TMEM132B: variants seen among roughly 807,000 people sequenced by gnomAD.
TMEM132B encodes transmembrane protein 132B.
Under a neutral mutation model 90.8 loss-of-function variants are expected in TMEM132B, and 18 were observed. The observed-to-expected ratio is 0.20, with a 90% CI of 0.14 to 0.29. TMEM132B has a LOEUF of 0.29. TMEM132B is among the 10% of genes least tolerant of loss of function. The probability of loss-of-function intolerance (pLI) is 1.00; values close to 1 mark genes in which losing one functional copy is unlikely to be tolerated. For synonymous variants in TMEM132B, 504 were observed against 523.3 expected, an observed-to-expected ratio of 0.96 and a Z score of 0.50; for missense variants, 1,096 against 1,326.8, an observed-to-expected ratio of 0.83 and a Z score of 2.70.
At chr12:125,561,359 C>T (rs1220190744) in intron 4 of TMEM132B, among the ~76,000 whole-genome samples, 3 of 136,102 alleles carry the variant, frequency 2.2e-5, no homozygotes, top group South Asian at 5.0e-4. Context: ...CATCACACAC[C>T]GGGGCCTGTC....
rs139606264 is a variant in TMEM132B at position 125,504,332 on chromosome 12, GT to G, written c.1107-15100del. 2.0e-5 allele frequency among the ~76,000 whole-genome samples: 3 copies of G among 152,154 alleles called. No individual in the cohort carries two copies. In the East Asian group the frequency reaches 5.8e-4, roughly 29 times the overall value. Reference sequence around the variant, plus strand: ...GAGGTTGAAGATTCTGTTTGGATTTGTTTTTTTAATATCTCAAGGTGTTTGT... The same window carrying G: ...GAGGTTGAAGATTCTGTTTGGATTTGTTTTTTAATATCTCAAGGTGTTTGT... On this transcript the variant is annotated intron_variant, in intron 3 of 8. Transcript: ENST00000682704.
At chr12:125,599,383 T>A (rs552243423) in intron 5 of TMEM132B, among the ~76,000 whole-genome samples, 17 of 152,312 alleles carry the variant, frequency 1.1e-4, no homozygotes, top group Admixed American at 3.9e-4. Flanking sequence ...ATGTCTTTGT[T>A]AGCAGTGTGA....
intron 3 of TMEM132B, among the ~76,000 whole-genome samples, chr12:125,482,722 T>C (rs908431995): frequency 2.0e-5 from 3 of 152,214 alleles, no homozygotes; most frequent in African/African-American, 7.2e-5. Context: ...AAATACCATT[T>C]GTCCCAGTGA....
At chr12:125,411,521 A>AAAAC (rs376787355) in intron 2 of TMEM132B, among the ~76,000 whole-genome samples, 1 of 152,084 alleles carries the variant, frequency 6.6e-6, no homozygotes, top group Admixed American at 6.5e-5. Context: ...AATAATAATA[A>AAAAC]AAACAAACAA....
chr12:125,192,795 A>G (rs1430774015), intron 1 of TMEM132B, among the ~76,000 whole-genome samples: 2 of 152,184 alleles, frequency 1.3e-5, no homozygotes, highest in Non-Finnish European at 2.9e-5. Context: ...AGGATTTACA[A>G]ATTCAGAGAT....
chr12:125,513,730 C>T (rs941334174), intron 3 of TMEM132B, among the ~76,000 whole-genome samples: 14 of 152,196 alleles, frequency 9.2e-5, no homozygotes, highest in African/African-American at 1.2e-4. Context: ...TACTCCAGAA[C>T]GCCCTTCCAC....
chr12:125,431,113 A>G (rs1462783532), intron 3 of TMEM132B, among the ~76,000 whole-genome samples: 2 of 152,062 alleles, frequency 1.3e-5, no homozygotes, highest in African/African-American at 4.8e-5. Flanking sequence ...AAGACTTTGG[A>G]TTTTATTCTG....
chr12:125,557,773 G>A (rs2136783236), intron 4 of TMEM132B, among the ~76,000 whole-genome samples: 1 of 152,274 alleles, frequency 6.6e-6, no homozygotes, highest in Non-Finnish European at 1.5e-5. Flanking sequence ...AGAAAACAGG[G>A]TGATGGGTTA....
In TMEM132B at chr12:125,213,380, G is replaced by A. The variant is rs1007222587; in HGVS notation, c.67+26514G>A. On this transcript the variant is annotated intron_variant, in intron 1 of 8. Transcript: ENST00000682704. The surrounding 1 kb of genome is among the most constrained non-coding windows in gnomAD (Gnocchi z 4.2). ...TGGATATTGTGAATAGCACTGCTGAGAACATTTGTGTACAAGTATTTGTTT... is the reference window on the plus strand; with the variant it reads ...TGGATATTGTGAATAGCACTGCTGAAAACATTTGTGTACAAGTATTTGTTT... 6.6e-6 allele frequency among the ~76,000 whole-genome samples: 1 copy of A among 152,226 alleles called. No homozygotes were observed. The highest frequency in any genetic ancestry group is 1.5e-5 in the Non-Finnish European group (1 of 68,042).
At chr12:125,305,636 C>T (rs1031972506) in intron 1 of TMEM132B, among the ~76,000 whole-genome samples, 1 of 152,120 alleles carries the variant, frequency 6.6e-6, no homozygotes, top group Non-Finnish European at 1.5e-5. Flanking sequence ...CATTGGTCTT[C>T]GTTTGGCCAA....
At chr12:125,614,606 C>G (rs1172855791) in intron 5 of TMEM132B, among the ~76,000 whole-genome samples, 1 of 151,952 alleles carries the variant, frequency 6.6e-6, no homozygotes, top group Non-Finnish European at 1.5e-5. Context: ...GGTAGAATTA[C>G]TTATTAAAAA....
intron 4 of TMEM132B, among the ~76,000 whole-genome samples, chr12:125,561,376 T>TG (rs1884527147): frequency 8.5e-6 from 1 of 117,034 alleles, no homozygotes; most frequent in Non-Finnish European, 1.8e-5. Flanking sequence ...TGTCAGGGGG[T>TG]AGGGGGCTAG....
At chr12:125,280,547 C>G (rs905109262) in intron 1 of TMEM132B, among the ~76,000 whole-genome samples, 31 of 152,344 alleles carry the variant, frequency 2.0e-4, no homozygotes, top group Non-Finnish European at 4.1e-4. Context: ...GGGCTCTGCT[C>G]CCTGCCTCCC....
rs555381690 is a variant in TMEM132B, at chr12:125,271,165, C to T, written c.68-78287C>T. Among the ~76,000 whole-genome samples the T allele has an allele frequency of 2.6e-5, 4 of 152,124 alleles. No homozygotes were observed. The South Asian group carries it at 8.3e-4, about 32-fold the overall frequency. On this transcript the variant is annotated intron_variant, in intron 1 of 8. Transcript: ENST00000682704. ...CTTTATTTTTGTAGAGAAGGAGACTCACTATGTCGCCTACGCTGGTCTCAA... is the reference window on the plus strand; with the variant it reads ...CTTTATTTTTGTAGAGAAGGAGACTTACTATGTCGCCTACGCTGGTCTCAA...
At chr12:125,297,197 A>T (rs765378297) in intron 1 of TMEM132B, among the ~76,000 whole-genome samples, 3 of 152,178 alleles carry the variant, frequency 2.0e-5, no homozygotes, top group Non-Finnish European at 2.9e-5. Context: ...GTGAGACAAC[A>T]GGGTGGATGG....
intron 2 of TMEM132B, among the ~76,000 whole-genome samples, chr12:125,375,793 C>A (rs544043689): frequency 1.3e-5 from 2 of 152,206 alleles, no homozygotes; most frequent in Admixed American, 1.3e-4. Flanking sequence ...CTTCTATATT[C>A]CTGTGAATTC....
intron 4 of TMEM132B, among the ~76,000 whole-genome samples, chr12:125,572,451 A>T (rs1282180087): frequency 1.3e-5 from 2 of 152,224 alleles, no homozygotes; most frequent in Non-Finnish European, 2.9e-5. Context: ...TCTTGGAAGC[A>T]GAGGGCAGCC....
intron 1 of TMEM132B, among the ~76,000 whole-genome samples, chr12:125,319,651 A>G (rs1876374791): frequency 1.3e-5 from 2 of 152,052 alleles, no homozygotes; most frequent in African/African-American, 2.4e-5. Flanking sequence ...TTGACTCAAA[A>G]CTGGGGTGCA....
Position 125,555,332 on chromosome 12 carries a change from C to A in TMEM132B, c.1294-28519C>A, listed in dbSNP as rs558998675. On this transcript the variant is annotated intron_variant, in intron 4 of 8. Coordinates refer to ENST00000682704, the MANE Select transcript of TMEM132B (RefSeq NM_001366854.1). ...AACCTCATTGAAGTTAATATAAAAA[C>A]AAGTGATGTAATATTTTGGTTGAAG... is the stretch of plus-strand genomic sequence containing the variant. Among the ~76,000 whole-genome samples, 252 of 151,398 alleles carry A rather than the reference C, an allele frequency of 1.7e-3. 3 individuals are homozygous for A. The highest frequency in any genetic ancestry group is 5.1e-3 in the African/African-American group (212 of 41,232).
Sources: allele counts gnomAD v4.1 joint callset (sites outside exome capture counted in the v4.1 genomes callset), GRCh38; gene constraint gnomAD v4.1.1; non-coding constraint Gnocchi (gnomAD v3.1); transcripts MANE v1.5; gene names NCBI Gene and HGNC (gene_info 2026-07-23, HGNC 2026-07-21).